The following ARHGAP42 variants were observed in gnomAD, a reference collection of about 807,000 sequenced individuals.
ARHGAP42 encodes rho GTPase-activating protein 42.
A neutral mutation model predicts 125.0 loss-of-function variants in ARHGAP42; 63 were observed. The ratio of observed to expected loss-of-function variants is 0.50; its 90% CI spans 0.41 to 0.62. ARHGAP42 has a LOEUF of 0.62. Among genes scored for constraint, ARHGAP42 ranks in the 20% least tolerant of loss-of-function variants. The pLI is 0.00. For synonymous variants in ARHGAP42, 339 were observed against 351.0 expected, an observed-to-expected ratio of 0.97 and a Z score of 0.38; for missense variants, 766 against 1,024.2, an observed-to-expected ratio of 0.75 and a Z score of 3.44.
At chr11:100,981,647 G>A (rs1428914171) in intron 22 of ARHGAP42, among the ~76,000 whole-genome samples, 3 of 152,194 alleles carry the variant, frequency 2.0e-5, no homozygotes, top group Non-Finnish European at 4.4e-5. Context: ...AATCTATGAT[G>A]CACCAGAACA....
intron 3 of ARHGAP42, among the ~76,000 whole-genome samples, chr11:100,851,965 G>T (rs1256478085): frequency 1.3e-5 from 2 of 152,130 alleles, no homozygotes; most frequent in East Asian, 3.9e-4. Flanking sequence ...CCCAGTGCAG[G>T]TTGGGAAGAG....
chr11:100,882,455 G>A (rs918616459), intron 4 of ARHGAP42, among the ~76,000 whole-genome samples: 5 of 150,500 alleles, frequency 3.3e-5, no homozygotes, highest in Non-Finnish European at 7.4e-5. Flanking sequence ...ACATCATCAT[G>A]GTGGGTTAGC....
chr11:100,809,233 T>C (rs1423311544), intron 3 of ARHGAP42, among the ~76,000 whole-genome samples: 1 of 152,212 alleles, frequency 6.6e-6, no homozygotes, highest in East Asian at 1.9e-4. Context: ...TTTTTCATTT[T>C]AAGACAAGAT....
chr11:100,971,092 G>A (rs552697050), intron 17 of ARHGAP42, among the ~76,000 whole-genome samples: 1 of 152,252 alleles, frequency 6.6e-6, no homozygotes, highest in Admixed American at 6.5e-5. Flanking sequence ...GTGGAAGAAA[G>A]AGGGAGCCAG....
At chr11:100,750,005 T>C (rs1174642661) in intron 1 of ARHGAP42, among the ~76,000 whole-genome samples, 1 of 152,152 alleles carries the variant, frequency 6.6e-6, no homozygotes, top group African/African-American at 2.4e-5. Context: ...TGGGTCCTGA[T>C]TTCTCCTTAT....
intron 3 of ARHGAP42, among the ~76,000 whole-genome samples, chr11:100,825,292 G>A (rs1555006231): frequency 1.3e-5 from 2 of 152,106 alleles, no homozygotes; most frequent in Non-Finnish European, 1.5e-5. Flanking sequence ...TCCTGATTCA[G>A]TTGGGTGTTA....
chr11:100,749,055 G>T (rs528727824), intron 1 of ARHGAP42, among the ~76,000 whole-genome samples: 1 of 151,892 alleles, frequency 6.6e-6, no homozygotes, highest in Non-Finnish European at 1.5e-5. Flanking sequence ...TCTCCCAGCG[G>T]CTTATGCTGC....
rs377763591 is a variant in ARHGAP42 at position 100,795,130 on chromosome 11, A to T, written c.276A>T (p.Arg92Ser). 1.3e-6 allele frequency: 2 copies of T among 1,547,048 alleles called. No homozygotes were observed. Among genetic ancestry groups the T allele is most frequent in the East Asian group, 2.5e-5 (1 of 40,692 alleles). ...SIAQSLKEFA[R>S]LLIAVEEERR... ...CTCAGTCACTAAAAGAATTTGCAAGACTACTCATTGCAGTAGAAGAAGAAA... is the reference window on the plus strand; with the variant it reads ...CTCAGTCACTAAAAGAATTTGCAAGTCTACTCATTGCAGTAGAAGAAGAAA... The change falls in exon 3 of 24, where the codon AGA becomes AGT. Residue 92 changes from arginine (R) to serine (S), a missense_variant. Physicochemically the swap from Arg to Ser is moderately radical, Grantham distance 110 (BLOSUM62 -1). Around this residue, in one of 3 missense-constraint regions of ARHGAP42, gnomAD observed 455 missense variants for 636.5 expected, o/e 0.71. Coordinates refer to ENST00000298815, the MANE Select transcript of ARHGAP42 (RefSeq NM_152432.4).
At chr11:100,794,388 T>C (rs1863655966) in intron 2 of ARHGAP42, among the ~76,000 whole-genome samples, 1 of 152,166 alleles carries the variant, frequency 6.6e-6, no homozygotes, top group African/African-American at 2.4e-5. Flanking sequence ...CTACTAAAAG[T>C]AAAGCAATAT....
intron 4 of ARHGAP42, among the ~76,000 whole-genome samples, chr11:100,866,478 C>T (rs1865573024): frequency 6.6e-6 from 1 of 152,176 alleles, no homozygotes; most frequent in Non-Finnish European, 1.5e-5. Context: ...AGTCTATTCT[C>T]CCACTGCTAT....
chr11:100,807,131 A>G (rs1864015547), intron 3 of ARHGAP42, among the ~76,000 whole-genome samples: 1 of 151,648 alleles, frequency 6.6e-6, no homozygotes, highest in South Asian at 2.1e-4. Flanking sequence ...TACAGGCATG[A>G]GGCACCATTC....
At chr11:100,724,836 CTT>C (rs59676061) in intron 1 of ARHGAP42, among the ~76,000 whole-genome samples, 1 of 150,208 alleles carries the variant, frequency 6.7e-6, no homozygotes, top group Admixed American at 6.6e-5. Flanking sequence ...CTTTTTATTT[CTT>C]TTTTTTTATT....
chr11:100,892,434 C>A (rs1431252578), intron 4 of ARHGAP42, among the ~76,000 whole-genome samples: 1 of 151,818 alleles, frequency 6.6e-6, no homozygotes, highest in Non-Finnish European at 1.5e-5. Flanking sequence ...ACTAAAAAAT[C>A]CATTGTGTTA....
intron 1 of ARHGAP42, among the ~76,000 whole-genome samples, chr11:100,731,283 C>T (rs1204041852): frequency 6.6e-6 from 1 of 152,004 alleles, no homozygotes; most frequent in Non-Finnish European, 1.5e-5. Flanking sequence ...CTCAGCCTCC[C>T]GAGTAGCTGG....
intron 3 of ARHGAP42, among the ~76,000 whole-genome samples, chr11:100,815,866 A>G (rs1424760519): frequency 6.6e-6 from 1 of 152,084 alleles, no homozygotes; most frequent in African/African-American, 2.4e-5. Flanking sequence ...GAGTTTGACT[A>G]TTCTAGATAC....
chr11:100,824,696 C>T (rs1245331319), intron 3 of ARHGAP42, among the ~76,000 whole-genome samples: 2 of 152,172 alleles, frequency 1.3e-5, no homozygotes, highest in Non-Finnish European at 2.9e-5. Flanking sequence ...CAGATTTAAT[C>T]TTGGAGTCCA....
intron 5 of ARHGAP42, among the ~76,000 whole-genome samples, chr11:100,914,182 G>A (rs1466944591): frequency 6.6e-6 from 1 of 152,100 alleles, no homozygotes; most frequent in African/African-American, 2.4e-5. Flanking sequence ...CGATCTGCCT[G>A]CCTTAGCCTC....
Position 100,960,558 on chromosome 11 carries a change from T to G in ARHGAP42, c.1226-357T>G, listed in dbSNP as rs1857928056. Among the ~76,000 whole-genome samples, 4 of 152,168 alleles carry G rather than the reference T, an allele frequency of 2.6e-5. No individual in the cohort carries two copies. In the South Asian group the frequency reaches 8.3e-4, roughly 31 times the overall value. ...TTTCCTCATCTCTAAAATGAAGATATAAATGCCATAGGACTTTTCAACATG... is the reference window on the plus strand; with the variant it reads ...TTTCCTCATCTCTAAAATGAAGATAGAAATGCCATAGGACTTTTCAACATG... On this transcript the variant is annotated intron_variant, in intron 13 of 23. Transcript: ENST00000298815.
intron 2 of ARHGAP42, among the ~76,000 whole-genome samples, chr11:100,775,254 A>G (rs1863091475): frequency 6.6e-6 from 1 of 152,152 alleles, no homozygotes; most frequent in African/African-American, 2.4e-5. Flanking sequence ...TAAGGAAGAC[A>G]TTGAGTTAGG....
Sources: allele counts gnomAD v4.1 joint callset (sites outside exome capture counted in the v4.1 genomes callset), GRCh38; gene constraint gnomAD v4.1.1; regional missense constraint gnomAD v4.1.1; transcripts MANE v1.5; gene names NCBI Gene and HGNC (gene_info 2026-07-23, HGNC 2026-07-21).